Variants in NKAIN2 observed in about 807,000 individuals in gnomAD.
NKAIN2 encodes sodium/potassium-transporting ATPase subunit beta-1-interacting protein 2.
Under a neutral mutation model 32.6 loss-of-function variants are expected in NKAIN2, and 14 were observed. That is an observed-to-expected ratio of 0.43 (90% CI 0.28 to 0.67). NKAIN2 has a LOEUF of 0.67. Ranked by LOEUF, NKAIN2 falls within the 30% of genes least tolerant of loss-of-function variation. NKAIN2 has a pLI of 0.17. For synonymous variants in NKAIN2, 80 were observed against 87.2 expected (o/e 0.92, Z 0.46); for missense variants, 198 against 258.3 (o/e 0.77, Z 1.60).
chr6:124,123,597 C>T (rs1029467269), intron 1 of NKAIN2, among the ~76,000 whole-genome samples: 1 of 151,968 alleles, frequency 6.6e-6, no homozygotes, highest in Non-Finnish European at 1.5e-5. Context: ...TTGTATCAGT[C>T]ATCTAGTGAT....
At chr6:124,339,249 G>A (rs1205154750) in intron 2 of NKAIN2, among the ~76,000 whole-genome samples, 2 of 152,236 alleles carry the variant, frequency 1.3e-5, no homozygotes, top group Admixed American at 6.5e-5. Context: ...GGAGGCTGAG[G>A]CAGGAGAATC....
chr6:123,828,724 A>G (rs9388284), intron 1 of NKAIN2: 58,693 of 151,898 alleles, frequency 0.39, 12,840 homozygotes, highest in East Asian at 0.59. Context: ...ACTTCTTCTC[A>G]TCTCAGAGGT....
rs540779509 is a variant in NKAIN2, at chr6:124,575,068, C to T, written c.274-83118C>T. ...TGCCAAAATATTTCTGTGTTTAAAT[C>T]ACCTGTAGTTAAATCTCAAAATTCT... is the stretch of plus-strand genomic sequence containing the variant. On this transcript the variant is annotated intron_variant, in intron 3 of 6. Coordinates refer to ENST00000368417, the MANE Select transcript of NKAIN2 (RefSeq NM_001040214.3). Among the ~76,000 whole-genome samples the T allele has an allele frequency of 9.1e-4, 138 of 152,278 alleles. 1 individual carries two copies. The highest frequency in any genetic ancestry group is 3.2e-3 in the African/African-American group (133 of 41,560).
intron 1 of NKAIN2, among the ~76,000 whole-genome samples, chr6:124,155,457 A>G (rs1787936305): frequency 6.6e-6 from 1 of 152,114 alleles, no homozygotes; most frequent in Non-Finnish European, 1.5e-5. Flanking sequence ...TAAAAAGAAA[A>G]AAATTTAAAT....
intron 3 of NKAIN2, among the ~76,000 whole-genome samples, chr6:124,585,095 G>A (rs1419921781): frequency 6.6e-6 from 1 of 152,146 alleles, no homozygotes; most frequent in Non-Finnish European, 1.5e-5. Flanking sequence ...AAGAAAAGTG[G>A]TATTTATACA....
At chr6:124,087,380 C>A (rs1784231443) in intron 1 of NKAIN2, among the ~76,000 whole-genome samples, 1 of 151,910 alleles carries the variant, frequency 6.6e-6, no homozygotes, top group African/African-American at 2.4e-5. Context: ...AGGATGTCCT[C>A]TCTCACCATC....
At chr6:123,986,522 T>C (rs1462394604) in intron 1 of NKAIN2, among the ~76,000 whole-genome samples, 10 of 152,110 alleles carry the variant, frequency 6.6e-5, no homozygotes, top group Non-Finnish European at 1.5e-4. Context: ...TCTTTGCAAT[T>C]CCTTCCAAAG....
intron 5 of NKAIN2, among the ~76,000 whole-genome samples, chr6:124,812,969 T>C (rs1024722396): frequency 2.0e-5 from 3 of 152,120 alleles, no homozygotes; most frequent in African/African-American, 2.4e-5. Flanking sequence ...CTGTTAAGCA[T>C]TGAAATTACA....
chr6:124,473,841 C>T (rs746991006), intron 3 of NKAIN2, among the ~76,000 whole-genome samples: 22 of 152,178 alleles, frequency 1.4e-4, no homozygotes, highest in East Asian at 1.9e-4. Flanking sequence ...TTAAGCCATG[C>T]GTCAAAACCT....
intron 3 of NKAIN2, among the ~76,000 whole-genome samples, chr6:124,457,844 T>C (rs1776382059): frequency 6.6e-6 from 1 of 151,960 alleles, no homozygotes; most frequent in Non-Finnish European, 1.5e-5. Flanking sequence ...AGTACCTCTG[T>C]AGTGTGTTGG....
At chr6:124,019,403 GAA>G (rs35356108) in intron 1 of NKAIN2, among the ~76,000 whole-genome samples, 1 of 150,816 alleles carries the variant, frequency 6.6e-6, no homozygotes, top group Non-Finnish European at 1.5e-5. Flanking sequence ...ACATAGGAGT[GAA>G]AAAAAAACTG....
chr6:124,384,298 T>C (rs1180979739), intron 3 of NKAIN2, among the ~76,000 whole-genome samples: 1 of 152,158 alleles, frequency 6.6e-6, no homozygotes, highest in Non-Finnish European at 1.5e-5. Context: ...AGTTAATGAA[T>C]ATATTTAGTA....
chr6:124,698,742 C>T (rs1462328942), intron 4 of NKAIN2, among the ~76,000 whole-genome samples: 1 of 152,044 alleles, frequency 6.6e-6, no homozygotes, highest in Non-Finnish European at 1.5e-5. Context: ...TTTTAATTTT[C>T]CTGTCCAACT....
intron 1 of NKAIN2, among the ~76,000 whole-genome samples, chr6:124,244,076 T>TAA (rs35036970): frequency 6.6e-6 from 1 of 151,390 alleles, no homozygotes; most frequent in Non-Finnish European, 1.5e-5. Context: ...CTTTTTTTTT[T>TAA]AATAATTTAA....
rs1166505308 is a variant in NKAIN2 at position 123,914,280 on chromosome 6, ACAGT to A, written c.54+110030_54+110033del. On this transcript the variant is annotated intron_variant, in intron 1 of 6. Transcript: ENST00000368417. Reference sequence around the variant, plus strand: ...CAGAGACACACAGAGAGAGACAGAGACAGTCAGAGAGAGGGAGAGAGGGAGGGAG... The same window carrying A: ...CAGAGACACACAGAGAGAGACAGAGACAGAGAGAGGGAGAGAGGGAGGGAG... 5.9e-5 allele frequency among the ~76,000 whole-genome samples: 9 copies of A among 152,096 alleles called. No homozygotes were observed. The East Asian group carries it at 1.4e-3, about 23-fold the overall frequency.
intron 1 of NKAIN2, among the ~76,000 whole-genome samples, chr6:123,819,158 G>C (rs1437605091): frequency 6.6e-6 from 1 of 152,148 alleles, no homozygotes. Flanking sequence ...TTCTGGATGT[G>C]GTAGGTTTTC....
chr6:124,170,020 G>T (rs944973937), intron 1 of NKAIN2, among the ~76,000 whole-genome samples: 1 of 152,092 alleles, frequency 6.6e-6, no homozygotes, highest in Non-Finnish European at 1.5e-5. Flanking sequence ...TCATTTAGGG[G>T]CTGAAGTGAG....
At chr6:124,149,432 A>G (rs1052621716) in intron 1 of NKAIN2, among the ~76,000 whole-genome samples, 2 of 152,186 alleles carry the variant, frequency 1.3e-5, no homozygotes, top group Admixed American at 6.6e-5. Context: ...ATTTAGGACT[A>G]TGATCCATTT....
At chr6:124,400,707 G>C (rs1005775880) in intron 3 of NKAIN2, among the ~76,000 whole-genome samples, 1 of 151,946 alleles carries the variant, frequency 6.6e-6, no homozygotes, top group Non-Finnish European at 1.5e-5. Flanking sequence ...TTAATATATA[G>C]TATAGCACTT....
Sources: allele counts gnomAD v4.1 joint callset (sites outside exome capture counted in the v4.1 genomes callset), GRCh38; gene constraint gnomAD v4.1.1; transcripts MANE v1.5; gene names NCBI Gene and HGNC (gene_info 2026-07-23, HGNC 2026-07-21).